Variants in GRAMD2B observed in about 807,000 individuals in gnomAD.
The protein encoded by GRAMD2B is GRAM domain-containing protein 2B.
In GRAMD2B, 41 loss-of-function variants were observed where a neutral mutation model predicts 59.2. The ratio of observed to expected loss-of-function variants is 0.69; its 90% CI spans 0.54 to 0.90. The LOEUF is 0.90. Ranked by LOEUF, GRAMD2B falls within the 40% of genes least tolerant of loss-of-function variation. GRAMD2B has a pLI of 0.00. For missense variants in GRAMD2B, 424 were observed against 500.5 expected (o/e 0.85, Z 1.46); for synonymous variants, 161 against 182.7 (o/e 0.88, Z 0.96).
At chr5:126,382,622 T>C (rs1755753448) in intron 1 of GRAMD2B, among the ~76,000 whole-genome samples, 1 of 152,184 alleles carries the variant, frequency 6.6e-6, no homozygotes, top group Non-Finnish European at 1.5e-5. Context: ...TTTCTTTAAA[T>C]TGGTATTTAC....
chr5:126,391,319 CAAAAA>C (rs61181985), intron 1 of GRAMD2B, among the ~76,000 whole-genome samples: 32,711 of 76,440 alleles, frequency 0.43, 5,892 homozygotes, highest in Middle Eastern at 0.57. Context: ...GACTCCATCT[CAAAAA>C]AAAAAAAAAA....
At chr5:126,371,674 C>T in intron 1 of GRAMD2B, 2 of 1,039,504 alleles carry the variant, frequency 1.9e-6, no homozygotes, top group Middle Eastern at 4.2e-4. Context: ...AGGTAGGGAT[C>T]AGCCATGGGA....
intron 8 of GRAMD2B, among the ~76,000 whole-genome samples, chr5:126,482,718 A>G (rs1448422320): frequency 6.6e-6 from 1 of 152,238 alleles, no homozygotes; most frequent in East Asian, 1.9e-4. Flanking sequence ...AAAGGTTGGT[A>G]ATTTGCTTAC....
At chr5:126,466,430 C>CTTT in intron 2 of GRAMD2B, 8 of 586,000 alleles carry the variant, frequency 1.4e-5, no homozygotes, top group South Asian at 4.0e-5. Context: ...GGCATCTCAC[C>CTTT]TTTTTTTTTT....
At chr5:126,419,853 G>A (rs186974707), upstream of GRAMD2B, among the ~76,000 whole-genome samples, 64 of 152,040 alleles carry the variant, frequency 4.2e-4, no homozygotes, top group African/African-American at 1.5e-3. Flanking sequence ...TCAGGAGTTC[G>A]AGACCAGCCT....
intron 6 of GRAMD2B, among the ~76,000 whole-genome samples, chr5:126,478,704 C>G (rs1263768923): frequency 6.6e-6 from 1 of 152,158 alleles, no homozygotes; most frequent in Non-Finnish European, 1.5e-5. Flanking sequence ...TCGAGCACCA[C>G]TGCACTCCAG....
chr5:126,485,959 G>A (rs967029295), intron 11 of GRAMD2B, among the ~76,000 whole-genome samples, 186 bp downstream of exon 11: 2 of 152,088 alleles, frequency 1.3e-5, no homozygotes, highest in African/African-American at 4.8e-5. Context: ...CATTTTCATG[G>A]TTGTGCCAAA....
At chr5:126,465,601 A>G in intron 2 of GRAMD2B, 56 bp downstream of exon 2, 2 of 1,526,408 alleles carry the variant, frequency 1.3e-6, no homozygotes, top group Non-Finnish European at 9.0e-7. Flanking sequence ...AGAAGGCGTT[A>G]CAGGAGGAGC....
At chr5:126,464,545 G>T (rs1581155006) in intron 1 of GRAMD2B, among the ~76,000 whole-genome samples, 1 of 152,196 alleles carries the variant, frequency 6.6e-6, no homozygotes, top group East Asian at 1.9e-4. Flanking sequence ...TCTGTTTGTT[G>T]GTTCTATGCA....
intron 2 of GRAMD2B, chr5:126,466,144 A>G (rs1258946625): frequency 2.4e-6 from 3 of 1,257,870 alleles, no homozygotes; most frequent in Non-Finnish European, 3.2e-6. Flanking sequence ...ACAGTGTGTG[A>G]TGGGTGAGTG....
chr5:126,429,606 A>G (rs1470040849), intron 1 of GRAMD2B, among the ~76,000 whole-genome samples: 1 of 152,186 alleles, frequency 6.6e-6, no homozygotes, highest in Non-Finnish European at 1.5e-5. Context: ...CTCTCTATAA[A>G]CTGTAGCTGT....
intron 13 of GRAMD2B, among the ~76,000 whole-genome samples, chr5:126,492,388 C>G (rs936653525): frequency 2.6e-5 from 4 of 151,550 alleles, no homozygotes; most frequent in African/African-American, 7.3e-5. Flanking sequence ...CTGCCATTCT[C>G]TCTTTTTTTT....
At chr5:126,363,665 G>A (rs1754319558) in intron 1 of GRAMD2B, among the ~76,000 whole-genome samples, 1 of 152,168 alleles carries the variant, frequency 6.6e-6, no homozygotes, top group South Asian at 2.1e-4. Context: ...AAAGAAGACA[G>A]TCACAAAAGA....
upstream of GRAMD2B, chr5:126,423,164 T>G: frequency 1.0e-6 from 1 of 998,172 alleles, no homozygotes; most frequent in Non-Finnish European, 1.2e-6. Context: ...CCGGCTGCCC[T>G]CTAAAAATCC....
Position 126,476,912 on chromosome 5 carries a change from G to A in GRAMD2B, c.487-780G>A, listed in dbSNP as rs1408052547. Among the ~76,000 whole-genome samples the A allele has an allele frequency of 7.9e-5, 12 of 152,144 alleles. No homozygotes were observed. The East Asian group carries it at 1.7e-3, about 22-fold the overall frequency. On this transcript the variant is annotated intron_variant, in intron 5 of 13. Transcript: ENST00000285689. ...CCACAGAAAATCCTGAGAAGCAGAC[G>A]AGGCTATCTCCAATTTATAAATCAA... is the stretch of plus-strand genomic sequence containing the variant.
intron 1 of GRAMD2B, among the ~76,000 whole-genome samples, chr5:126,457,985 T>C (rs1766640586): frequency 6.6e-6 from 1 of 152,192 alleles, no homozygotes; most frequent in South Asian, 2.1e-4. Flanking sequence ...AGATTTTGTT[T>C]TTCTTGTTTG....
chr5:126,411,839 C>CCGG (rs1758818061), intron 1 of GRAMD2B, among the ~76,000 whole-genome samples: 1 of 40,530 alleles, frequency 2.5e-5, no homozygotes, highest in Admixed American at 2.4e-4. Flanking sequence ...AGATATATTT[C>CCGG]TGGTGTGTGT....
intron 1 of GRAMD2B, among the ~76,000 whole-genome samples, chr5:126,408,958 C>A (rs961235509): frequency 6.7e-6 from 1 of 150,320 alleles, no homozygotes; most frequent in African/African-American, 2.5e-5. Context: ...TTTGTTCCTG[C>A]GATAGTTTAC....
At chr5:126,408,468 T>G (rs1019089029) in intron 1 of GRAMD2B, among the ~76,000 whole-genome samples, 2 of 152,016 alleles carry the variant, frequency 1.3e-5, no homozygotes, top group African/African-American at 4.8e-5. Context: ...ATGTACTCAG[T>G]AATGGGATTG....
Sources: gnomAD v4.1 joint callset for allele counts (sites outside exome capture counted in the v4.1 genomes callset) on GRCh38, gnomAD v4.1.1 for gene constraint, MANE v1.5 for transcripts, NCBI Gene and HGNC (gene_info 2026-07-23, HGNC 2026-07-21) for gene names.